NALF1: variants seen among roughly 807,000 people sequenced by gnomAD.
NALF1 encodes the protein family with sequence similarity 155 member A.
A neutral mutation model predicts 48.4 loss-of-function variants in NALF1; 3 were observed. The observed-to-expected ratio is 0.06, with a 90% CI of 0.03 to 0.16. The LOEUF (loss-of-function observed/expected upper bound fraction) is 0.16, where lower values mean the gene tolerates loss of function less well. NALF1 is among the 10% of genes least tolerant of loss of function. The pLI is 1.00. For missense variants in NALF1, 526 were observed against 571.5 expected, an observed-to-expected ratio of 0.92 and a Z score of 0.81; for synonymous variants, 262 against 245.7, an observed-to-expected ratio of 1.07 and a Z score of -0.62.
rs139027406 is a variant in NALF1 at position 107,364,415 on chromosome 13, A to G, written c.916-153660T>C. ...GGCTAAGCCTGTCCACATATGTAAC[A>G]TATTAAAGGGGTGAAAACACTGGCA... On this transcript the variant is annotated intron_variant, in intron 1 of 2. Coordinates refer to ENST00000375915, the MANE Select transcript of NALF1 (RefSeq NM_001080396.3). Among the ~76,000 whole-genome samples, 274 of 152,324 alleles carry G rather than the reference A, an allele frequency of 1.8e-3. 2 individuals carry two copies. The highest frequency in any genetic ancestry group is 6.3e-3 in the African/African-American group (262 of 41,576).
intron 1 of NALF1, among the ~76,000 whole-genome samples, chr13:107,742,189 T>G (rs1166605939): frequency 6.6e-6 from 1 of 152,176 alleles, no homozygotes; most frequent in East Asian, 1.9e-4. Flanking sequence ...GCAATCGCCT[T>G]GTCCTTTGAT....
intron 1 of NALF1, among the ~76,000 whole-genome samples, chr13:107,805,381 T>C (rs1018834787): frequency 6.6e-6 from 1 of 152,198 alleles, no homozygotes; most frequent in Non-Finnish European, 1.5e-5. Context: ...ATTTCAGACA[T>C]GTTTGTCTAT....
intron 1 of NALF1, among the ~76,000 whole-genome samples, chr13:107,316,367 T>C (rs1027911776): frequency 7.3e-4 from 111 of 152,186 alleles, no homozygotes; most frequent in Non-Finnish European, 1.2e-3. Context: ...TAAGTGTGCA[T>C]GTGTCTTTAT....
At chr13:107,381,557 GC>G (rs148831290) in intron 1 of NALF1, among the ~76,000 whole-genome samples, 2 of 151,574 alleles carry the variant, frequency 1.3e-5, no homozygotes, top group Non-Finnish European at 2.9e-5. Context: ...CCTACGCACC[GC>G]CCCACCACCC....
At chr13:107,676,250 T>G (rs1307035720) in intron 1 of NALF1, among the ~76,000 whole-genome samples, 1 of 152,208 alleles carries the variant, frequency 6.6e-6, no homozygotes. Flanking sequence ...AAAAATACTA[T>G]TTATTCAACC....
intron 1 of NALF1, among the ~76,000 whole-genome samples, chr13:107,401,812 A>G (rs977797266): frequency 5.3e-5 from 8 of 152,196 alleles, no homozygotes; most frequent in African/African-American, 1.7e-4. Flanking sequence ...TAAAGTCACA[A>G]TCAAACCCAT....
chr13:107,720,536 A>G (rs572580439), intron 1 of NALF1, among the ~76,000 whole-genome samples: 1 of 149,026 alleles, frequency 6.7e-6, no homozygotes, highest in Non-Finnish European at 1.5e-5. Context: ...AAAAAAAAGC[A>G]TATTTCCCAG....
At chr13:107,608,514 C>G (rs889164948) in intron 1 of NALF1, among the ~76,000 whole-genome samples, 1 of 152,268 alleles carries the variant, frequency 6.6e-6, no homozygotes, top group Admixed American at 6.5e-5. Context: ...ATTACCAGCA[C>G]AGACTTTGTT....
At chr13:107,496,911 C>T (rs1875357868) in intron 1 of NALF1, among the ~76,000 whole-genome samples, 1 of 152,154 alleles carries the variant, frequency 6.6e-6, no homozygotes. Context: ...GATTCAATTA[C>T]CTCCCACCAG....
chr13:107,503,962 C>A (rs1255745988), intron 1 of NALF1, among the ~76,000 whole-genome samples: 1 of 150,222 alleles, frequency 6.7e-6, no homozygotes, highest in African/African-American at 2.4e-5. Context: ...ACACAGAGAT[C>A]AAGAATCAAG....
chr13:107,852,209 G>A (rs150981749), intron 1 of NALF1, among the ~76,000 whole-genome samples: 133 of 151,966 alleles, frequency 8.8e-4, no homozygotes, highest in African/African-American at 2.9e-3. Context: ...AATAAGCATC[G>A]TGTTTATATA....
chr13:107,206,454 C>A (rs1485248542), intron 2 of NALF1, among the ~76,000 whole-genome samples: 1 of 151,950 alleles, frequency 6.6e-6, no homozygotes, highest in African/African-American at 2.4e-5. Context: ...AGCAGATGAT[C>A]AAAAATATAT....
At chr13:107,822,585 C>T (rs545183953) in intron 1 of NALF1, among the ~76,000 whole-genome samples, 1 of 152,284 alleles carries the variant, frequency 6.6e-6, no homozygotes, top group South Asian at 2.1e-4. Context: ...TAATGTGTTA[C>T]AGCACAGAAG....
chr13:107,725,632 T>A (rs1442333677), intron 1 of NALF1, among the ~76,000 whole-genome samples: 1 of 148,752 alleles, frequency 6.7e-6, no homozygotes, highest in African/African-American at 2.5e-5. Flanking sequence ...TTGCAGTGAG[T>A]CAAGATCACG....
intron 1 of NALF1, among the ~76,000 whole-genome samples, chr13:107,426,359 G>A (rs1447265614): frequency 6.6e-6 from 1 of 152,130 alleles, no homozygotes; most frequent in Non-Finnish European, 1.5e-5. Context: ...AGCGCCAAGA[G>A]AACAGGCGTT....
chr13:107,618,494 T>C (rs931609547), intron 1 of NALF1, among the ~76,000 whole-genome samples: 10 of 152,106 alleles, frequency 6.6e-5, no homozygotes, highest in Non-Finnish European at 1.5e-4. Context: ...GATTTGGCCA[T>C]TGTGCAGAAA....
rs1880734907 is a variant in NALF1, at chr13:107,866,514, G to T, written c.83C>A (p.Pro28Gln). The change falls in exon 1 of 3, where the codon CCG (proline) becomes CAG (glutamine). Residue 28 changes from proline to glutamine, a missense_variant. Physicochemically the swap from Pro to Gln is moderately conservative, Grantham distance 76 (BLOSUM62 -1). Around this residue, in one of 2 missense-constraint regions of NALF1, gnomAD observed 373 missense variants for 355.5 expected, o/e 1.05. Coordinates refer to ENST00000375915, the MANE Select transcript of NALF1 (RefSeq NM_001080396.3). This position sits in a 1 kb window ranked among gnomAD's most constrained non-coding sequence, Gnocchi z 4.4. Reference sequence around the variant, plus strand: ...CTGAGCCCTCTCGGAATCGATGAACGGTTTCTCGTTCTCTCGGGGTGCTGC... The same window carrying T: ...CTGAGCCCTCTCGGAATCGATGAACTGTTTCTCGTTCTCTCGGGGTGCTGC... ...WLAAPRENEK[P>Q]FIDSERAQKW... The T allele has an allele frequency of 6.2e-7, 1 of 1,613,952 alleles. No homozygotes were observed.
intron 1 of NALF1, among the ~76,000 whole-genome samples, chr13:107,403,085 C>T (rs1883836171): frequency 6.7e-6 from 1 of 150,326 alleles, no homozygotes. Flanking sequence ...GGTGATTTAG[C>T]CTCTGACTTG....
chr13:107,599,435 A>AT (rs199817542), intron 1 of NALF1, among the ~76,000 whole-genome samples: 167 of 151,002 alleles, frequency 1.1e-3, no homozygotes, highest in Middle Eastern at 3.4e-3. Flanking sequence ...AAAAAAAAAA[A>AT]AAAATAACAT....
Sources: gnomAD v4.1 joint callset for allele counts (sites outside exome capture counted in the v4.1 genomes callset) on GRCh38, gnomAD v4.1.1 for gene constraint, gnomAD v4.1.1 regional missense constraint, Gnocchi (gnomAD v3.1) non-coding constraint, MANE v1.5 for transcripts, NCBI Gene and HGNC (gene_info 2026-07-23, HGNC 2026-07-21) for gene names.